Variants in DLC1 observed in about 807,000 individuals in gnomAD.
The protein encoded by DLC1 is DLC1 Rho GTPase activating protein.
A neutral mutation model predicts 140.3 loss-of-function variants in DLC1; 54 were observed. The observed-to-expected ratio is 0.38, with a 90% confidence interval of 0.31 to 0.48. DLC1 has a LOEUF of 0.48. DLC1 is among the 20% of genes least tolerant of loss of function. DLC1 has a pLI of 0.96. For synonymous variants in DLC1, 986 were observed against 728.1 expected (o/e 1.35, Z -5.70); for missense variants, 2,536 against 1,907.0 (o/e 1.33, Z -6.14).
At chr8:13,356,460 C>T (rs569104975) in intron 4 of DLC1, among the ~76,000 whole-genome samples, 11 of 152,282 alleles carry the variant, frequency 7.2e-5, no homozygotes, top group East Asian at 5.8e-4. Flanking sequence ...TTTTACCATA[C>T]GAAATTCCTT....
intron 5 of DLC1, among the ~76,000 whole-genome samples, chr8:13,297,108 T>C (rs1486850380): frequency 6.6e-6 from 1 of 151,158 alleles, no homozygotes; most frequent in Non-Finnish European, 1.5e-5. Flanking sequence ...ATATTTTTCA[T>C]GAATTCCTTG....
chr8:13,430,671 G>C (rs1838823816), intron 2 of DLC1, among the ~76,000 whole-genome samples: 2 of 152,156 alleles, frequency 1.3e-5, no homozygotes, highest in South Asian at 4.1e-4. Context: ...GAAAAGTGTT[G>C]CTTTAGGAAA....
Position 13,529,811 on chromosome 8 carries a change from C to T in DLC1, c.-125-29615G>A, listed in dbSNP as rs559743322. Among the ~76,000 whole-genome samples, 49 of 152,276 alleles carry T rather than the reference C, an allele frequency of 3.2e-4. No individual in the cohort carries two copies. In the South Asian group the frequency reaches 0.01, roughly 32 times the overall value. On this transcript the variant is annotated intron_variant, in intron 1 of 1. Coordinates refer to the DLC1 transcript ENST00000631382. ...TTTCCTGTAATACAAATATTTGTTA[C>T]TCTCCTGCATACTAAGTTGAATAAC...
At chr8:13,092,266 C>T (rs967711853) in intron 13 of DLC1, among the ~76,000 whole-genome samples, 1 of 152,124 alleles carries the variant, frequency 6.6e-6, no homozygotes, top group East Asian at 1.9e-4. Context: ...TTTAAACATA[C>T]ATTTAAACAT....
chr8:13,112,872 A>G (rs955704889), intron 6 of DLC1, among the ~76,000 whole-genome samples: 9 of 152,200 alleles, frequency 5.9e-5, no homozygotes, highest in Non-Finnish European at 1.3e-4. Context: ...ATACACACCA[A>G]GATGAAATAA....
rs567827287 is a variant in DLC1, at chr8:13,358,876, G to C, written c.1314+34677C>G. ...CATAGCATGTTTGTGAATGCTGGAA[G>C]GTATCCCTAGGCAACACTATTTGAA... On this transcript the variant is annotated intron_variant, in intron 4 of 17. Transcript: ENST00000276297. 9.2e-5 allele frequency among the ~76,000 whole-genome samples: 14 copies of C among 152,278 alleles called. No individual in the cohort carries two copies. In the South Asian group the frequency reaches 2.9e-3, roughly 32 times the overall value.
At chr8:13,277,515 A>T (rs1431682400) in intron 5 of DLC1, among the ~76,000 whole-genome samples, 4 of 152,144 alleles carry the variant, frequency 2.6e-5, no homozygotes, top group Admixed American at 2.0e-4. Context: ...TTACAATTGC[A>T]CATCAAAAAC....
chr8:13,453,447 T>TATGTATATATATAC (rs1554523066), intron 2 of DLC1, among the ~76,000 whole-genome samples: 2 of 34,550 alleles, frequency 5.8e-5, no homozygotes, highest in Admixed American at 3.5e-4. Context: ...TGTATATATA[T>TATGTATATATATAC]ACATATATAT....
At chr8:13,262,475 AAAGAGGTCATTTAACT>A (rs1186692688) in intron 5 of DLC1, among the ~76,000 whole-genome samples, 3 of 152,202 alleles carry the variant, frequency 2.0e-5, no homozygotes, top group African/African-American at 7.2e-5. Context: ...AGTAAAATGA[AAAGAGGTCATTTAACT>A]AAGAAAATCT....
chr8:13,088,521 C>A lies in DLC1; in HGVS notation c.4258G>T (p.Ala1420Ser). The A allele has an allele frequency of 6.2e-7, 1 of 1,614,218 alleles. No homozygotes were observed. The highest frequency in any genetic ancestry group is 1.1e-5 in the South Asian group (1 of 91,086). The change falls in exon 16 of 18, where the codon GCA becomes TCA. Residue 1420 changes from alanine to serine, a missense_variant. Ala to Ser is a moderately conservative substitution (Grantham distance 99). Coordinates refer to ENST00000276297, the MANE Select transcript of DLC1 (RefSeq NM_182643.3). ...ACGTAGTCTCGAGCAGGATGAGGTG[C>A]CATACTGTTTTGGACATACTGGTAA... ...EIYQYVQNSM[A>S]PHPARDYVVL... is the part of the protein sequence containing the mutation.
chr8:13,222,099 T>G (rs934681115), intron 5 of DLC1, among the ~76,000 whole-genome samples: 4 of 151,464 alleles, frequency 2.6e-5, no homozygotes, highest in African/African-American at 9.7e-5. Context: ...TTTCATCAAT[T>G]CATGTGTATT....
At chr8:13,395,856 G>GT (rs897262404) in intron 3 of DLC1, among the ~76,000 whole-genome samples, 3 of 149,956 alleles carry the variant, frequency 2.0e-5, no homozygotes. Context: ...CTTCTTCTTT[G>GT]TTTTTTTGCA....
intron 5 of DLC1, among the ~76,000 whole-genome samples, chr8:13,299,078 A>G (rs1832076700): frequency 6.6e-6 from 1 of 152,150 alleles, no homozygotes; most frequent in South Asian, 2.1e-4. Flanking sequence ...GAGAGAACAC[A>G]TTATAAGTCA....
At chr8:13,314,519 C>T (rs1230930861) in intron 4 of DLC1, among the ~76,000 whole-genome samples, 3 of 151,950 alleles carry the variant, frequency 2.0e-5, no homozygotes, top group Non-Finnish European at 2.9e-5. Context: ...AGCATTTACT[C>T]ATATCCATCT....
At chr8:13,127,295 G>A (rs1436069288) in intron 5 of DLC1, among the ~76,000 whole-genome samples, 1 of 152,138 alleles carries the variant, frequency 6.6e-6, no homozygotes, top group African/African-American at 2.4e-5. Flanking sequence ...TGACTGGAAG[G>A]GGTCTGAGGT....
Position 13,102,790 on chromosome 8 carries a change from T to C in DLC1, c.1566A>G (p.Arg522=). The C allele has an allele frequency of 6.2e-7, 1 of 1,613,794 alleles. No individual in the cohort carries two copies. The highest frequency in any genetic ancestry group is 8.5e-7 in the Non-Finnish European group (1 of 1,179,760). Residue 522 remains arginine, a splice_region_variant and synonymous_variant, in exon 8 of 18, where the codon CGA becomes CGG. Transcript: ENST00000276297. ...MKLEISPHRK[R]SDDSDEDEPC... is the part of the protein sequence containing the mutation. ...TCTATTATGCAATTTGTATACTCACTCGTTTCCGATGAGGACTAATTTCTA... is the reference window on the plus strand; with the variant it reads ...TCTATTATGCAATTTGTATACTCACCCGTTTCCGATGAGGACTAATTTCTA...
intron 5 of DLC1, among the ~76,000 whole-genome samples, chr8:13,249,581 G>A (rs1191251129): frequency 6.6e-6 from 1 of 152,106 alleles, no homozygotes; most frequent in East Asian, 1.9e-4. Context: ...TTCTGAATTA[G>A]TGATTCAACA....
intron 5 of DLC1, among the ~76,000 whole-genome samples, chr8:13,187,320 C>T (rs1585868354): frequency 6.6e-6 from 1 of 152,070 alleles, no homozygotes; most frequent in Non-Finnish European, 1.5e-5. Context: ...AGAAAATAAT[C>T]GGCATATAAT....
intron 1 of DLC1, among the ~76,000 whole-genome samples, chr8:13,570,184 A>C (rs1487901668): frequency 6.6e-6 from 1 of 152,052 alleles, no homozygotes; most frequent in Non-Finnish European, 1.5e-5. Flanking sequence ...TTACCTTTCT[A>C]TTCTCATGTA....
Sources: gnomAD v4.1 joint callset for allele counts (sites outside exome capture counted in the v4.1 genomes callset) on GRCh38, gnomAD v4.1.1 for gene constraint, MANE v1.5 for transcripts, NCBI Gene and HGNC (gene_info 2026-07-23, HGNC 2026-07-21) for gene names.